Variants in LRP1B observed in about 807,000 individuals in gnomAD.
The protein encoded by LRP1B is low-density lipoprotein receptor-related protein 1B.
A neutral mutation model predicts 556.6 loss-of-function variants in LRP1B; 217 were observed. That is an observed-to-expected ratio of 0.39 (90% CI 0.35 to 0.44). LRP1B has a LOEUF of 0.44. Ranked by LOEUF, LRP1B falls within the 20% of genes least tolerant of loss-of-function variation. The probability of loss-of-function intolerance (pLI) is 1.00; values close to 1 mark genes in which losing one functional copy is unlikely to be tolerated. For missense variants in LRP1B, 5,053 were observed against 5,620.8 expected (o/e 0.90, Z 3.23); for synonymous variants, 2,047 against 1,865.8 (o/e 1.10, Z -2.50).
chr2:140,382,968 G>C (rs1284396771), intron 67 of LRP1B, among the ~76,000 whole-genome samples: 10 of 152,158 alleles, frequency 6.6e-5, no homozygotes, highest in Admixed American at 6.5e-4. Flanking sequence ...GTAACATGCT[G>C]TATAGGTTTT....
At chr2:140,427,235 G>A (rs1685700496) in intron 66 of LRP1B, among the ~76,000 whole-genome samples, 1 of 152,080 alleles carries the variant, frequency 6.6e-6, no homozygotes, top group Non-Finnish European at 1.5e-5. Flanking sequence ...GAGGACGCCT[G>A]CCTTGATCAT....
rs552157582 is a variant in LRP1B at position 140,284,300 on chromosome 2, C to A, written c.12968-9702G>T. Among the ~76,000 whole-genome samples the A allele has an allele frequency of 4.7e-5, 6 of 128,394 alleles. No individual in the cohort carries two copies. In the East Asian group the frequency reaches 9.8e-4, roughly 21 times the overall value. The allele number at this position is 128,394 out of a possible 152,430, so 84.2% of individuals were successfully genotyped here. A position where few individuals can be genotyped will look rare whatever the true frequency, so the allele number is the denominator to read the frequency against. On this transcript the variant is annotated intron_variant, in intron 84 of 90. Coordinates refer to ENST00000389484, the MANE Select transcript of LRP1B (RefSeq NM_018557.3). ...ATTAACAAATACATGGCTTCCCCCC[C>A]TCCCCCCCAAAAAAAAACCGTTTTT... is the stretch of plus-strand genomic sequence containing the variant.
At chr2:141,532,076 T>G (rs963610778) in intron 2 of LRP1B, among the ~76,000 whole-genome samples, 2 of 152,190 alleles carry the variant, frequency 1.3e-5, no homozygotes, top group African/African-American at 2.4e-5. Flanking sequence ...ATGTTTGAAA[T>G]ACCTGTATTA....
intron 1 of LRP1B, among the ~76,000 whole-genome samples, chr2:142,056,129 T>G (rs1704661083): frequency 6.6e-6 from 1 of 152,092 alleles, no homozygotes; most frequent in Non-Finnish European, 1.5e-5. Context: ...CCAGCCTGAC[T>G]GACAGAGTGA....
intron 51 of LRP1B, among the ~76,000 whole-genome samples, chr2:140,514,112 G>T (rs543684449): frequency 6.6e-6 from 1 of 151,904 alleles, no homozygotes; most frequent in East Asian, 1.9e-4. Flanking sequence ...GTATAGATAC[G>T]TGACACTAAT....
At chr2:141,112,426 G>C (rs958843058) in intron 7 of LRP1B, among the ~76,000 whole-genome samples, 3 of 152,130 alleles carry the variant, frequency 2.0e-5, no homozygotes, top group African/African-American at 7.2e-5. Context: ...TGGCCCCCAA[G>C]TGTAGTGCTG....
chr2:141,977,928 A>C (rs567858828), intron 1 of LRP1B, among the ~76,000 whole-genome samples: 84 of 152,304 alleles, frequency 5.5e-4, no homozygotes, highest in Middle Eastern at 3.4e-3. Context: ...ATCTACAATA[A>C]ACTATATTAT....
intron 7 of LRP1B, among the ~76,000 whole-genome samples, chr2:141,146,397 T>A (rs945160133): frequency 6.6e-6 from 1 of 152,200 alleles, no homozygotes; most frequent in Non-Finnish European, 1.5e-5. Context: ...CACATTATAT[T>A]GAAATAATTA....
intron 7 of LRP1B, among the ~76,000 whole-genome samples, chr2:141,172,667 A>C (rs2105147671): frequency 6.6e-6 from 1 of 152,148 alleles, no homozygotes; most frequent in African/African-American, 2.4e-5. Context: ...AATACACAAA[A>C]TCTTTCTTTA....
At chr2:140,411,793 C>G (rs1231805730) in intron 66 of LRP1B, among the ~76,000 whole-genome samples, 2 of 151,988 alleles carry the variant, frequency 1.3e-5, no homozygotes, top group East Asian at 3.9e-4. Context: ...TGAGAAAGTA[C>G]CTGGCACATT....
chr2:141,029,271 C>T (rs1257067337), intron 11 of LRP1B, among the ~76,000 whole-genome samples: 1 of 152,016 alleles, frequency 6.6e-6, no homozygotes, highest in African/African-American at 2.4e-5. Context: ...GTGATCATAC[C>T]TAAAATTTTC....
At chr2:141,044,264 T>G (rs146962852) in intron 11 of LRP1B, among the ~76,000 whole-genome samples, 16,267 of 151,142 alleles carry the variant, frequency 0.11, 1,064 homozygotes, top group African/African-American at 0.14. Flanking sequence ...TATACAAAAA[T>G]CAATTCAAGG....
rs535860820 is a variant in LRP1B at position 140,381,032 on chromosome 2, A to C, written c.10532-2746T>G. Among the ~76,000 whole-genome samples, 5 of 152,256 alleles carry C rather than the reference A, an allele frequency of 3.3e-5. No homozygotes were observed. In the East Asian group the frequency reaches 9.7e-4, roughly 29 times the overall value. On this transcript the variant is annotated intron_variant, in intron 67 of 90. Transcript: ENST00000389484. Reference sequence around the variant, plus strand: ...AATCTACTTCTGAATAATAATCATGAATTATTTATACATGTACAAATACCA... The same window carrying C: ...AATCTACTTCTGAATAATAATCATGCATTATTTATACATGTACAAATACCA...
chr2:141,051,510 G>T (rs1421429477), intron 10 of LRP1B, among the ~76,000 whole-genome samples: 2 of 151,930 alleles, frequency 1.3e-5, no homozygotes, highest in African/African-American at 4.8e-5. Context: ...ATCATTCTCA[G>T]CAAATTAGCA....
chr2:142,039,969 A>G (rs1329817625), intron 1 of LRP1B, among the ~76,000 whole-genome samples: 2 of 151,454 alleles, frequency 1.3e-5, no homozygotes, highest in Non-Finnish European at 3.0e-5. Flanking sequence ...AACCCCAACT[A>G]ATTGTATTGT....
At chr2:141,242,420 C>G (rs955246216) in intron 5 of LRP1B, among the ~76,000 whole-genome samples, 6 of 152,000 alleles carry the variant, frequency 3.9e-5, no homozygotes, top group African/African-American at 1.4e-4. Flanking sequence ...GCAGAGGAAA[C>G]AGCAAATGAT....
intron 3 of LRP1B, among the ~76,000 whole-genome samples, chr2:141,288,029 A>G (rs941103942): frequency 6.6e-6 from 1 of 152,130 alleles, no homozygotes; most frequent in Non-Finnish European, 1.5e-5. Flanking sequence ...CATAGTATCT[A>G]CTATCCCAAC....
chr2:141,105,465 T>A (rs1322326394), intron 7 of LRP1B, among the ~76,000 whole-genome samples: 1 of 152,156 alleles, frequency 6.6e-6, no homozygotes, highest in African/African-American at 2.4e-5. Flanking sequence ...GGCCCTATAG[T>A]TCAAAATAAT....
rs529148271 is a variant in LRP1B, at chr2:140,394,152, T to C, written c.10415-8143A>G. Among the ~76,000 whole-genome samples, 5 of 142,874 alleles carry C rather than the reference T, an allele frequency of 3.5e-5. No individual in the cohort carries two copies. The Admixed American group carries it at 3.6e-4, about 10-fold the overall frequency. The allele number at this position is 142,874 out of a possible 152,430, so 93.7% of individuals were successfully genotyped here. A position where few individuals can be genotyped will look rare whatever the true frequency, so the allele number is the denominator to read the frequency against. On this transcript the variant is annotated intron_variant, in intron 66 of 90. Coordinates refer to ENST00000389484, the MANE Select transcript of LRP1B (RefSeq NM_018557.3). ...TTTTTTTTTTTTTTTTTTTGGTGCA[T>C]ACGCACTTAGTAAATATATAACATT...
Sources: gnomAD v4.1 joint callset for allele counts (sites outside exome capture counted in the v4.1 genomes callset) on GRCh38, gnomAD v4.1.1 for gene constraint, MANE v1.5 for transcripts, NCBI Gene and HGNC (gene_info 2026-07-23, HGNC 2026-07-21) for gene names.